Variants in MAF observed in about 807,000 individuals in gnomAD.
The protein encoded by MAF is transcription factor Maf.
In MAF, 10 loss-of-function variants were observed where a neutral mutation model predicts 22.0. The ratio of observed to expected loss-of-function variants is 0.45; its 90% CI spans 0.28 to 0.77. MAF has a LOEUF of 0.77. MAF is among the 30% of genes least tolerant of loss of function. MAF has a pLI of 0.12. For missense variants in MAF, 544 were observed against 548.4 expected (o/e 0.99, Z 0.08); for synonymous variants, 337 against 255.8 (o/e 1.32, Z -3.03).
chr16:79,282,481 C>T, the MAF span, among the ~76,000 whole-genome samples: 1 of 152,080 alleles, frequency 6.6e-6, no homozygotes, highest in African/African-American at 2.4e-5. Context: ...AGAGTGGGAG[C>T]CTGAATCTTT....
the MAF span, among the ~76,000 whole-genome samples, chr16:79,207,278 C>A: frequency 6.6e-6 from 1 of 152,200 alleles, no homozygotes; most frequent in Non-Finnish European, 1.5e-5. Context: ...TTGCTTTGTC[C>A]AACAGACACC....
the MAF span, among the ~76,000 whole-genome samples, chr16:79,532,663 A>C: frequency 6.6e-6 from 1 of 152,246 alleles, no homozygotes; most frequent in Non-Finnish European, 1.5e-5. Flanking sequence ...TCAGGCATGA[A>C]GATATGAAAT....
the MAF span, among the ~76,000 whole-genome samples, chr16:79,444,384 A>G: frequency 1.3e-5 from 2 of 152,180 alleles, no homozygotes; most frequent in African/African-American, 4.8e-5. Context: ...ATTAAGAAAA[A>G]TTAGCGTGGA....
chr16:79,558,777 A>G, the MAF span, among the ~76,000 whole-genome samples: 14,883 of 152,232 alleles, frequency 0.098, 783 homozygotes, highest in Non-Finnish European at 0.12. Flanking sequence ...GGAAGACAAA[A>G]CAAAACAATT....
chr16:79,520,285 G>C, the MAF span, among the ~76,000 whole-genome samples: 1 of 152,066 alleles, frequency 6.6e-6, no homozygotes, highest in Non-Finnish European at 1.5e-5. Context: ...AAGTAAAATG[G>C]TGAAGTTCTC....
chr16:79,506,160 A>G, the MAF span, among the ~76,000 whole-genome samples: 2 of 152,192 alleles, frequency 1.3e-5, no homozygotes, highest in African/African-American at 4.8e-5. Context: ...GATTAATGAT[A>G]GTCTAAAAAT....
chr16:79,298,917 TG>T, the MAF span, among the ~76,000 whole-genome samples: 2 of 152,232 alleles, frequency 1.3e-5, 1 homozygote, highest in South Asian at 4.1e-4. Flanking sequence ...TAAGGCAGGT[TG>T]GGAAGCATTG....
the MAF span, among the ~76,000 whole-genome samples, chr16:79,291,262 C>A: frequency 6.6e-6 from 1 of 152,144 alleles, no homozygotes; most frequent in Non-Finnish European, 1.5e-5. Context: ...TTCCCCAAAT[C>A]CCTTGCCAAC....
the MAF span, among the ~76,000 whole-genome samples, chr16:79,325,872 C>G: frequency 6.6e-6 from 1 of 152,148 alleles, no homozygotes; most frequent in Non-Finnish European, 1.5e-5. Flanking sequence ...CGGCCCCAGT[C>G]TAGGCAAATG....
the MAF span, among the ~76,000 whole-genome samples, chr16:79,379,516 C>T: frequency 6.6e-6 from 1 of 152,220 alleles, no homozygotes; most frequent in South Asian, 2.1e-4. Context: ...CACACACACA[C>T]ACACACACAC....
chr16:79,439,285 G>C, the MAF span, among the ~76,000 whole-genome samples: 1 of 138,336 alleles, frequency 7.2e-6, no homozygotes, highest in Admixed American at 7.5e-5. Context: ...TTTTTGAGAC[G>C]GAGTCTTGCT....
chr16:79,355,970 G>A, the MAF span, among the ~76,000 whole-genome samples: 1 of 152,094 alleles, frequency 6.6e-6, no homozygotes, highest in Admixed American at 6.5e-5. Flanking sequence ...TGTCTCTAGG[G>A]AATTCTCCAT....
At chr16:79,485,737 T>C in the MAF span, among the ~76,000 whole-genome samples, 2 of 152,218 alleles carry the variant, frequency 1.3e-5, no homozygotes, top group African/African-American at 2.4e-5. Flanking sequence ...GGGTTCCTCC[T>C]GAATCTTCCT....
chr16:79,557,979 C>T, the MAF span, among the ~76,000 whole-genome samples: 1 of 151,676 alleles, frequency 6.6e-6, no homozygotes, highest in Non-Finnish European at 1.5e-5. Context: ...CAGTGAATGT[C>T]TGAGGCAGCC....
chr16:79,399,567 C>A, the MAF span, among the ~76,000 whole-genome samples: 2 of 152,144 alleles, frequency 1.3e-5, no homozygotes, highest in Admixed American at 6.5e-5. Context: ...CATTTTTCAA[C>A]TAATTTTAAA....
chr16:79,220,726 A>G, the MAF span, among the ~76,000 whole-genome samples: 2 of 152,176 alleles, frequency 1.3e-5, no homozygotes, highest in Non-Finnish European at 2.9e-5. Context: ...CAACATGAAA[A>G]TATTTAAGGC....
At chr16:79,279,198 C>T in the MAF span, among the ~76,000 whole-genome samples, 2 of 151,994 alleles carry the variant, frequency 1.3e-5, no homozygotes, top group Non-Finnish European at 2.9e-5. Context: ...CTGCTTCTTC[C>T]CTCTCCACCC....
At chr16:79,214,469 G>C in the MAF span, among the ~76,000 whole-genome samples, 2 of 152,118 alleles carry the variant, frequency 1.3e-5, no homozygotes, top group African/African-American at 4.8e-5. Flanking sequence ...GCAATGGCAT[G>C]ATCTCAGCTC....
the MAF span, chr16:79,203,949 TTTATATC>T: frequency 6.6e-6 from 1 of 152,220 alleles, no homozygotes; most frequent in Non-Finnish European, 1.5e-5. Flanking sequence ...AATATCTTCT[TTTATATC>T]TTATAAACAC....
Sources: allele counts gnomAD v4.1 joint callset (sites outside exome capture counted in the v4.1 genomes callset), GRCh38; gene constraint gnomAD v4.1.1; transcripts MANE v1.5; gene names NCBI Gene and HGNC (gene_info 2026-07-23, HGNC 2026-07-21).